The following RYR2 variants were observed in gnomAD, a reference collection of about 807,000 sequenced individuals.
RYR2 encodes cardiac muscle ryanodine receptor-calcium release channel.
Under a neutral mutation model 601.1 loss-of-function variants are expected in RYR2, and 227 were observed. The ratio of observed to expected loss-of-function variants is 0.38; its 90% CI spans 0.34 to 0.42. The LOEUF (loss-of-function observed/expected upper bound fraction) is 0.42, where lower values mean the gene tolerates loss of function less well. Ranked by LOEUF, RYR2 falls within the 10% of genes least tolerant of loss-of-function variation. The probability of loss-of-function intolerance (pLI) is 1.00; values close to 1 mark genes in which losing one functional copy is unlikely to be tolerated. For synonymous variants in RYR2, 2,223 were observed against 2,175.1 expected, an observed-to-expected ratio of 1.02 and a Z score of -0.61; for missense variants, 4,646 against 6,156.5, an observed-to-expected ratio of 0.75 and a Z score of 8.21.
chr1:237,798,723 A>G (rs1348014619), intron 97 of RYR2, among the ~76,000 whole-genome samples: 1 of 151,976 alleles, frequency 6.6e-6, no homozygotes, highest in Admixed American at 6.6e-5. Context: ...TACTGCTTTC[A>G]TGGAATAATA....
chr1:237,276,445 A>G (rs1690298839), intron 2 of RYR2, among the ~76,000 whole-genome samples: 2 of 152,216 alleles, frequency 1.3e-5, no homozygotes, highest in Admixed American at 1.3e-4. Flanking sequence ...CAATGAATTA[A>G]ACAACCAGAT....
chr1:237,692,874 G>T (rs891420223), intron 63 of RYR2, among the ~76,000 whole-genome samples: 1 of 152,142 alleles, frequency 6.6e-6, no homozygotes, highest in African/African-American at 2.4e-5. Context: ...ATGCCTACCA[G>T]ATTAATATCT....
chr1:237,795,903 TAC>T (rs534057045), intron 96 of RYR2, among the ~76,000 whole-genome samples: 29 of 131,032 alleles, frequency 2.2e-4, no homozygotes, highest in African/African-American at 5.7e-4. Context: ...CATATATGGA[TAC>T]ACACACATAT....
At chr1:237,686,523 G>A (rs1369146745) in intron 62 of RYR2, among the ~76,000 whole-genome samples, 1 of 152,124 alleles carries the variant, frequency 6.6e-6, no homozygotes, top group Non-Finnish European at 1.5e-5. Context: ...TGAGTTTTGA[G>A]GGACGAGTAG....
chr1:237,653,725 C>T (rs1038719847), intron 51 of RYR2, among the ~76,000 whole-genome samples: 1 of 152,182 alleles, frequency 6.6e-6, no homozygotes, highest in African/African-American at 2.4e-5. Flanking sequence ...AGTCCCAAAA[C>T]CTCAAAAGTA....
intron 20 of RYR2, among the ~76,000 whole-genome samples, chr1:237,499,687 T>A (rs1049301368): frequency 2.0e-5 from 3 of 150,410 alleles, no homozygotes; most frequent in African/African-American, 4.9e-5. Context: ...AAAAAAAAAA[T>A]AGGTATTCTC....
intron 96 of RYR2, 72 bp downstream of exon 96, chr1:237,795,403 G>A (rs1436334909): frequency 2.6e-6 from 2 of 770,530 alleles, no homozygotes; most frequent in East Asian, 5.9e-5. Context: ...TGATTCAGAT[G>A]TAGAATAAGA....
In RYR2 at chr1:237,114,067, C is replaced by T. The variant is rs575157743; in HGVS notation, c.48+71498C>T. Among the ~76,000 whole-genome samples the T allele has an allele frequency of 5.3e-5, 8 of 152,216 alleles. No individual in the cohort carries two copies. The East Asian group carries it at 1.2e-3, about 22-fold the overall frequency. ...AGAAAGGGTGCAGAGACTTTCATTT[C>T]GTGAAAATATAGATGTCCCAGGGAA... is the stretch of plus-strand genomic sequence containing the variant. On this transcript the variant is annotated intron_variant, in intron 1 of 104. Coordinates refer to ENST00000366574, the MANE Select transcript of RYR2 (RefSeq NM_001035.3).
At position 237,829,706 on chromosome 1, in the gene RYR2, T is replaced by C. The variant is rs116951739; in HGVS notation, c.14656-824T>C. Reference sequence around the variant, plus strand: ...AATTTTATACACTATTATAATCATCTTGATTGTAGTTCCTAAAATACAGGG... The same window carrying C: ...AATTTTATACACTATTATAATCATCCTGATTGTAGTTCCTAAAATACAGGG... On this transcript the variant is annotated intron_variant, in intron 102 of 104. Coordinates refer to ENST00000366574, the MANE Select transcript of RYR2 (RefSeq NM_001035.3). Among the ~76,000 whole-genome samples, 15 of 152,338 alleles carry C rather than the reference T, an allele frequency of 9.8e-5. No homozygotes were observed. In the East Asian group the frequency reaches 2.9e-3, roughly 29 times the overall value.
At chr1:237,094,813 A>G (rs192682809) in intron 1 of RYR2, among the ~76,000 whole-genome samples, 1 of 152,106 alleles carries the variant, frequency 6.6e-6, no homozygotes, top group African/African-American at 2.4e-5. Flanking sequence ...GGATGGTCTC[A>G]ATCTCCTGAC....
At chr1:237,375,868 A>G (rs1190912758) in intron 7 of RYR2, among the ~76,000 whole-genome samples, 1 of 152,222 alleles carries the variant, frequency 6.6e-6, no homozygotes, top group Non-Finnish European at 1.5e-5. Flanking sequence ...TTGTTTTCAT[A>G]CATTGAGAAG....
intron 25 of RYR2, among the ~76,000 whole-genome samples, chr1:237,536,724 A>AGACATGCAG (rs1668662874): frequency 6.8e-6 from 1 of 146,210 alleles, no homozygotes. Flanking sequence ...CAAAAAAAAA[A>AGACATGCAG]AAAAAAAAAA....
intron 63 of RYR2, among the ~76,000 whole-genome samples, chr1:237,697,278 A>G (rs1260834276): frequency 6.7e-6 from 1 of 149,148 alleles, no homozygotes; most frequent in Non-Finnish European, 1.5e-5. Flanking sequence ...GGAAGGACTC[A>G]TGAGCACTAT....
Position 237,625,546 on chromosome 1 carries a change from G to C in RYR2, c.6023-115G>C, listed in dbSNP as rs1269967910. The C allele has an allele frequency of 5.9e-6, 6 of 1,009,344 alleles. No individual in the cohort carries two copies. The East Asian group carries it at 1.2e-4, about 20-fold the overall frequency. The allele number at this position is 1,009,344 out of a possible 1,614,324, so 62.5% of individuals were successfully genotyped here. Reference sequence around the variant, plus strand: ...AGCAACATTGCTTAACTTAATGTTAGATGTTTTTGACATTGTTCTAAGTTG... The same window carrying C: ...AGCAACATTGCTTAACTTAATGTTACATGTTTTTGACATTGTTCTAAGTTG... On this transcript the variant is annotated intron_variant, in intron 39 of 104. Transcript: ENST00000366574.
chr1:237,350,241 G>C (rs1366124139), intron 3 of RYR2, among the ~76,000 whole-genome samples: 1 of 151,946 alleles, frequency 6.6e-6, no homozygotes, highest in Non-Finnish European at 1.5e-5. Flanking sequence ...TGTATGTGTG[G>C]TAAAGTTGAA....
intron 17 of RYR2, among the ~76,000 whole-genome samples, chr1:237,488,497 A>G (rs1662948787): frequency 6.6e-6 from 1 of 152,160 alleles, no homozygotes; most frequent in African/African-American, 2.4e-5. Context: ...CACCTCCCCA[A>G]GGGGAACATC....
chr1:237,307,811 G>A (rs1365422086), intron 2 of RYR2, among the ~76,000 whole-genome samples: 1 of 152,198 alleles, frequency 6.6e-6, no homozygotes, highest in African/African-American at 2.4e-5. Context: ...TTTCAAGTAT[G>A]AGCCTTCGGT....
intron 94 of RYR2, among the ~76,000 whole-genome samples, chr1:237,793,484 C>CA (rs575470874): frequency 1.3e-5 from 2 of 152,164 alleles, no homozygotes; most frequent in Non-Finnish European, 2.9e-5. Flanking sequence ...ACTTTAGTAG[C>CA]ATGCATTTGG....
rs1559095117 is a variant in RYR2 at position 237,602,099 on chromosome 1, G to A, written c.4671G>A (p.Leu1557=). The change falls in exon 35 of 105, where the codon TTG becomes TTA. Residue 1557 remains leucine (L), a synonymous_variant. Transcript: ENST00000366574. The part of the protein sequence containing the change: ...ATSPNVFQFE[L]GRIKNVMPLS... ...GTCCCAATGTTTTCCAGTTTGAGTT[G>A]GGAAGAATAAAGGTAATAAAACTTA... is the stretch of plus-strand genomic sequence containing the variant. 6.2e-7 allele frequency: 1 copy of A among 1,611,728 alleles called. No individual in the cohort carries two copies. The highest frequency in any genetic ancestry group is 8.5e-7 in the Non-Finnish European group (1 of 1,178,828).
Sources: gnomAD v4.1 joint callset for allele counts (sites outside exome capture counted in the v4.1 genomes callset) on GRCh38, gnomAD v4.1.1 for gene constraint, MANE v1.5 for transcripts, NCBI Gene and HGNC (gene_info 2026-07-23, HGNC 2026-07-21) for gene names.